The following RNASE4 variants were observed in gnomAD, a reference collection of about 807,000 sequenced individuals.
RNASE4 encodes ribonuclease A family member 4, also known as ribonuclease 4.
For missense variants in RNASE4, 194 were observed against 192.8 expected (o/e 1.01, Z -0.04); for synonymous variants, 93 against 71.4 (o/e 1.30, Z -1.52).
At position 20,699,812 on chromosome 14, in the gene RNASE4, T is replaced by C. The variant is rs143519313; in HGVS notation, c.441T>C (p.Gly147=). The part of the protein sequence containing the change: ...GNPQVPVHFD[G] ...CACAGGTGCCTGTGCACTTTGACGG[T>C]TAGATGCCACCATGTAGGGATTATC... is the stretch of plus-strand genomic sequence containing the variant. The change falls in exon 2 of 2, where the codon GGT becomes GGC. Residue 147 remains glycine (G), a synonymous_variant. Coordinates refer to ENST00000555835, the MANE Select transcript of RNASE4 (RefSeq NM_002937.5). 77 of 1,612,354 alleles carry C rather than the reference T, an allele frequency of 4.8e-5. No homozygotes were observed. In the East Asian group the frequency reaches 1.6e-3, roughly 35 times the overall value.
chr14:20,698,284 A>G (rs1046744614), intron 1 of RNASE4, among the ~76,000 whole-genome samples: 4 of 152,158 alleles, frequency 2.6e-5, no homozygotes, highest in African/African-American at 9.7e-5. Context: ...ACCAACAACT[A>G]TTGACAAGAC....
intron 1 of RNASE4, among the ~76,000 whole-genome samples, chr14:20,690,221 C>CAAAAAAA (rs36091065): frequency 3.1e-4 from 21 of 67,970 alleles, no homozygotes; most frequent in African/African-American, 7.8e-4. Flanking sequence ...GACTCCGTCT[C>CAAAAAAA]AAAAAAAAAA....
intron 1 of RNASE4, among the ~76,000 whole-genome samples, chr14:20,686,090 G>C (rs5019558): frequency 0.57 from 86,048 of 151,044 alleles, 24,962 homozygotes; most frequent in African/African-American, 0.69. Flanking sequence ...CTTCCAGGCC[G>C]GCGAATGCAA....
Position 20,699,946 on chromosome 14 carries a change from C to G in RNASE4, c.*131C>G. ...TTTCCTACTCTTTTTCTCTATATAA[C>G]TCATTCTATTAAATACATTGCACCA... On this transcript the variant is annotated 3_prime_UTR_variant, in exon 2 of 2. Transcript: ENST00000555835. 1.3e-6 allele frequency: 1 copy of G among 754,124 alleles called. No individual in the cohort carries two copies. Among genetic ancestry groups the G allele is most frequent in the South Asian group, 1.8e-5 (1 of 56,670 alleles). 46.7% of individuals were successfully genotyped at this position (754,124 alleles called of 1,614,324 possible). A position where few individuals can be genotyped will look rare whatever the true frequency, so the allele number is the denominator to read the frequency against.
At chr14:20,694,448 C>T (rs538796322) in intron 1 of RNASE4, among the ~76,000 whole-genome samples, 1 of 151,974 alleles carries the variant, frequency 6.6e-6, no homozygotes, top group Non-Finnish European at 1.5e-5. Context: ...TACAGGCATG[C>T]ACCACCACAC....
intron 1 of RNASE4, among the ~76,000 whole-genome samples, chr14:20,692,715 T>C (rs190832693): frequency 1.3e-5 from 2 of 152,338 alleles, no homozygotes; most frequent in African/African-American, 4.8e-5. Context: ...GCCAAAAATG[T>C]TAGAGACCAC....
chr14:20,700,445 A>G lies in RNASE4; in HGVS notation c.*630A>G, dbSNP rs1369663817. On this transcript the variant is annotated 3_prime_UTR_variant, in exon 2 of 2. Transcript: ENST00000555835. Reference sequence around the variant, plus strand: ...TGGGTTTAATAAGATTAAGAAAATGATACTGGGAATTTTCTTTTTCCTGAA... The same window carrying G: ...TGGGTTTAATAAGATTAAGAAAATGGTACTGGGAATTTTCTTTTTCCTGAA... 6.0e-6 allele frequency: 1 copy of G among 167,092 alleles called. No individual in the cohort carries two copies. Among genetic ancestry groups the G allele is most frequent in the African/African-American group, 2.4e-5 (1 of 41,450 alleles). 10.4% of individuals were successfully genotyped at this position (167,092 alleles called of 1,614,324 possible). A position where few individuals can be genotyped will look rare whatever the true frequency, so the allele number is the denominator to read the frequency against.
intron 1 of RNASE4, chr14:20,693,758 A>C (rs2139024727): frequency 1.2e-6 from 2 of 1,614,210 alleles, no homozygotes; most frequent in East Asian, 4.5e-5. Flanking sequence ...CCCTGCAAAG[A>C]CATCAACACA....
intron 1 of RNASE4, chr14:20,693,883 C>T (rs1251079241): frequency 9.9e-6 from 16 of 1,614,198 alleles, no homozygotes; most frequent in Non-Finnish European, 1.4e-5. Flanking sequence ...CACTTGCAAG[C>T]TACATGGAGG....
intron 1 of RNASE4, among the ~76,000 whole-genome samples, chr14:20,691,514 A>G (rs1886746049): frequency 6.6e-6 from 1 of 152,224 alleles, no homozygotes; most frequent in African/African-American, 2.4e-5. Context: ...GAGCAGCTGC[A>G]TGAGTGAATA....
chr14:20,700,888 A>G lies in RNASE4; in HGVS notation c.*1073A>G, dbSNP rs542372918. 6.6e-6 allele frequency: 1 copy of G among 152,476 alleles called. No homozygotes were observed. Among genetic ancestry groups the G allele is most frequent in the African/African-American group, 2.4e-5 (1 of 41,582 alleles). The allele number at this position is 152,476 out of a possible 1,614,324, so 9.4% of individuals were successfully genotyped here. A position where few individuals can be genotyped will look rare whatever the true frequency, so the allele number is the denominator to read the frequency against. ...CGTATACATCCAGATGGCCTGAAGC[A>G]ACTGAAGAACCACAAAAGAAGTGAA... is the stretch of plus-strand genomic sequence containing the variant. On this transcript the variant is annotated 3_prime_UTR_variant, in exon 2 of 2. Transcript: ENST00000555835.
chr14:20,689,708 G>C (rs896338707), intron 1 of RNASE4, among the ~76,000 whole-genome samples: 1 of 152,132 alleles, frequency 6.6e-6, no homozygotes, highest in Non-Finnish European at 1.5e-5. Flanking sequence ...ACTGAGGTCA[G>C]GAGTTCGAGA....
At chr14:20,697,703 C>T (rs1566604941) in intron 1 of RNASE4, among the ~76,000 whole-genome samples, 1 of 152,154 alleles carries the variant, frequency 6.6e-6, no homozygotes, top group African/African-American at 2.4e-5. Flanking sequence ...GACAATAGTA[C>T]CCATATACAT....
intron 1 of RNASE4, chr14:20,699,153 T>A: frequency 1.8e-6 from 1 of 543,940 alleles, no homozygotes; most frequent in South Asian, 2.7e-5. Context: ...AGGTCTTGCT[T>A]TCAGAAAAGA....
chr14:20,699,411 C>T lies in RNASE4; in HGVS notation c.40C>T (p.Leu14=). 6.2e-7 allele frequency: 1 copy of T among 1,608,392 alleles called. No homozygotes were observed. Among genetic ancestry groups the T allele is most frequent in the African/African-American group, 1.3e-5 (1 of 74,956 alleles). The stretch of plus-strand genomic sequence containing the variant: ...GACCCATTCATTGCTTCTGCTTTTG[C>T]TGCTGACCCTGCTGGGGCTGGGGCT... ...QRTHSLLLLL[L]LTLLGLGLVQ... Residue 14 remains leucine, a synonymous_variant, in exon 2 of 2, where the codon CTG becomes TTG. Coordinates refer to ENST00000555835, the MANE Select transcript of RNASE4 (RefSeq NM_002937.5).
At chr14:20,693,539 C>T (rs912630229) in intron 1 of RNASE4, 20 of 1,609,750 alleles carry the variant, frequency 1.2e-5, no homozygotes, top group African/African-American at 5.3e-5. Context: ...TCCTTTTGCC[C>T]TCCGCAGGAG....
chr14:20,685,762 C>T (rs1886391928), intron 1 of RNASE4, among the ~76,000 whole-genome samples: 1 of 152,132 alleles, frequency 6.6e-6, no homozygotes, highest in African/African-American at 2.4e-5. Context: ...GTTGTGTGGG[C>T]CCGGCACGGT....
Position 20,701,136 on chromosome 14 carries a change from C to G in RNASE4, c.*1321C>G, listed in dbSNP as rs952212653. On this transcript the variant is annotated 3_prime_UTR_variant, in exon 2 of 2. Transcript: ENST00000555835. ...CCCAAATCCTATAAAACTGCCCCACCCCATCTCCCTTTGCTGACTCCTTTT... is the reference window on the plus strand; with the variant it reads ...CCCAAATCCTATAAAACTGCCCCACGCCATCTCCCTTTGCTGACTCCTTTT... 2 of 152,240 alleles carry G rather than the reference C, an allele frequency of 1.3e-5. No individual in the cohort carries two copies. The highest frequency in any genetic ancestry group is 4.8e-5 in the African/African-American group (2 of 41,452). 9.4% of individuals were successfully genotyped at this position (152,240 alleles called of 1,614,324 possible).
At chr14:20,693,060 GA>G (rs1269527730) in intron 1 of RNASE4, among the ~76,000 whole-genome samples, 3 of 151,720 alleles carry the variant, frequency 2.0e-5, no homozygotes, top group African/African-American at 7.3e-5. Context: ...TGGTAGCCAG[GA>G]TGGTCTCGAT....
Sources: allele counts gnomAD v4.1 joint callset (sites outside exome capture counted in the v4.1 genomes callset), GRCh38; gene constraint gnomAD v4.1.1; transcripts MANE v1.5; gene names NCBI Gene and HGNC (gene_info 2026-07-23, HGNC 2026-07-21).